IARS1: variants seen among roughly 807,000 people sequenced by gnomAD.
IARS1 encodes isoleucine--tRNA ligase, cytoplasmic.
A neutral mutation model predicts 168.2 loss-of-function variants in IARS1; 124 were observed. The ratio of observed to expected loss-of-function variants is 0.74; its 90% CI spans 0.64 to 0.86. The LOEUF (loss-of-function observed/expected upper bound fraction) is 0.86, where lower values mean the gene tolerates loss of function less well. Among genes scored for constraint, IARS1 ranks in the 40% least tolerant of loss-of-function variants. The pLI is 0.00. For synonymous variants in IARS1, 532 were observed against 529.4 expected (o/e 1.00, Z -0.07); for missense variants, 1,452 against 1,515.8 (o/e 0.96, Z 0.70).
rs1392709670 is a variant in IARS1, at chr9:92,263,132, T to C, written c.1701-77A>G. The C allele has an allele frequency of 3.0e-6, 3 of 995,186 alleles. No individual in the cohort carries two copies. The Admixed American group carries it at 6.5e-5, about 22-fold the overall frequency. 61.6% of individuals were successfully genotyped at this position (995,186 alleles called of 1,614,324 possible). The stretch of plus-strand genomic sequence containing the variant: ...TAAGAAAGAAACTGTATTTATTCAT[T>C]GAATTTCTATTTTTGATAAGTCACA... On this transcript the variant is annotated intron_variant, in intron 16 of 33. Coordinates refer to ENST00000443024, the MANE Select transcript of IARS1 (RefSeq NM_002161.6).
At chr9:92,263,134 A>C in intron 16 of IARS1, 79 bp from the exon 17 acceptor site, 1 of 996,728 alleles carries the variant, frequency 1.0e-6, no homozygotes, top group East Asian at 2.5e-5. Context: ...TTATTCATTG[A>C]ATTTCTATTT....
intron 33 of IARS1, among the ~76,000 whole-genome samples, chr9:92,221,596 T>G (rs1417471870): frequency 6.6e-6 from 1 of 152,132 alleles, no homozygotes; most frequent in Non-Finnish European, 1.5e-5. Context: ...ACAGAGAAGT[T>G]GACAGAGCAG....
intron 22 of IARS1, 104 bp from the exon 23 acceptor site, chr9:92,250,938 T>G: frequency 7.8e-7 from 1 of 1,275,704 alleles, no homozygotes; most frequent in Non-Finnish European, 1.1e-6. Context: ...GACACAGTAA[T>G]AGGCACCAAA....
intron 26 of IARS1, 21 bp downstream of exon 26, chr9:92,247,356 C>T: frequency 6.2e-7 from 1 of 1,604,648 alleles, no homozygotes; most frequent in Non-Finnish European, 8.5e-7. Context: ...AAATGGTGCC[C>T]TTGTCTGTGT....
chr9:92,255,503 T>G lies in IARS1; in HGVS notation c.2137+1177A>C, dbSNP rs1830592228. On this transcript the variant is annotated intron_variant, in intron 20 of 33. Coordinates refer to ENST00000443024, the MANE Select transcript of IARS1 (RefSeq NM_002161.6). ...AAGGAAGCCAACATAATGTACTTTT[T>G]GAATCTCTGTAAAATTACCCAACGA... Among the ~76,000 whole-genome samples, 3 of 152,232 alleles carry G rather than the reference T, an allele frequency of 2.0e-5. No homozygotes were observed. The South Asian group carries it at 6.2e-4, about 32-fold the overall frequency.
chr9:92,212,266 A>C (rs75911019), intron 33 of IARS1, among the ~76,000 whole-genome samples: 1 of 152,202 alleles, frequency 6.6e-6, no homozygotes, highest in Admixed American at 6.5e-5. Flanking sequence ...ATACTTTATG[A>C]AAGACAATTC....
intron 18 of IARS1, among the ~76,000 whole-genome samples, chr9:92,259,918 C>A (rs1033626285): frequency 1.3e-5 from 2 of 152,142 alleles, no homozygotes; most frequent in African/African-American, 2.4e-5. Context: ...CAACAACACC[C>A]AACACAGGTC....
intron 33 of IARS1, among the ~76,000 whole-genome samples, chr9:92,216,026 G>A (rs1838619197): frequency 6.6e-6 from 1 of 151,272 alleles, no homozygotes; most frequent in Middle Eastern, 3.4e-3. Context: ...CAGAGAGAAA[G>A]GTCGGGTTAC....
In IARS1 at chr9:92,250,260, C is replaced by T. The variant is rs1402795658; in HGVS notation, c.2459G>A (p.Ser820Asn). The change falls in exon 24 of 34, where the codon AGT becomes AAT. Residue 820 changes from serine (S) to asparagine (N), a missense_variant. Physicochemically the swap from Ser to Asn is conservative, Grantham distance 46. Coordinates refer to ENST00000443024, the MANE Select transcript of IARS1 (RefSeq NM_002161.6). ...REELIDKKTE[S>N]AVSQMQSVIE... ...CACAGACTGCATCTGAGATACTGCACTCTCTGTTTTCTTGTCAATCAATTC... is the reference window on the plus strand; with the variant it reads ...CACAGACTGCATCTGAGATACTGCATTCTCTGTTTTCTTGTCAATCAATTC... The T allele has an allele frequency of 6.2e-7, 1 of 1,610,388 alleles. No individual in the cohort carries two copies. The highest frequency in any genetic ancestry group is 2.2e-5 in the East Asian group (1 of 44,870).
At chr9:92,223,678 A>G (rs1013311578) in intron 31 of IARS1, among the ~76,000 whole-genome samples, 189 bp from the exon 32 acceptor site, 2 of 152,192 alleles carry the variant, frequency 1.3e-5, no homozygotes, top group African/African-American at 2.4e-5. Context: ...GGAAATCTCA[A>G]TGTTGCAAAA....
At chr9:92,243,917 C>T (rs1358626262) in intron 27 of IARS1, among the ~76,000 whole-genome samples, 4 of 152,162 alleles carry the variant, frequency 2.6e-5, no homozygotes, top group South Asian at 2.1e-4. Context: ...ATGACACTAT[C>T]GCTTCTGTTA....
At chr9:92,261,705 T>C (rs1831551925) in intron 17 of IARS1, among the ~76,000 whole-genome samples, 1 of 152,146 alleles carries the variant, frequency 6.6e-6, no homozygotes, top group African/African-American at 2.4e-5. Context: ...GGGATCTCTA[T>C]TATTTTTCAC....
chr9:92,219,655 A>C (rs1587696131), intron 33 of IARS1, among the ~76,000 whole-genome samples: 1 of 151,328 alleles, frequency 6.6e-6, no homozygotes, highest in Non-Finnish European at 1.5e-5. Context: ...CAGCCAAAAA[A>C]CACATGAAAA....
At chr9:92,226,396 G>A (rs1825686725) in intron 31 of IARS1, among the ~76,000 whole-genome samples, 1 of 152,188 alleles carries the variant, frequency 6.6e-6, no homozygotes, top group Admixed American at 6.5e-5. Flanking sequence ...TATCTTGCAA[G>A]TTCCTGATTA....
intron 30 of IARS1, among the ~76,000 whole-genome samples, chr9:92,233,443 T>C (rs1376486541): frequency 6.6e-6 from 1 of 152,236 alleles, no homozygotes. Context: ...AAGTGTTTCA[T>C]CTTTGAGGAG....
chr9:92,218,968 A>G (rs1839231564), intron 33 of IARS1, among the ~76,000 whole-genome samples: 1 of 152,188 alleles, frequency 6.6e-6, no homozygotes, highest in African/African-American at 2.4e-5. Flanking sequence ...CGCCAAGTCA[A>G]TCCTAAGCCA....
Position 92,287,823 on chromosome 9 carries a change from C to T in IARS1, c.364G>A (p.Ala122Thr). Residue 122 changes from alanine to threonine, a missense_variant, in exon 4 of 34, where the codon GCA (alanine) becomes ACA (threonine). By Grantham distance (58) the Ala-to-Thr change is moderately conservative (BLOSUM62 0). Coordinates refer to ENST00000443024, the MANE Select transcript of IARS1 (RefSeq NM_002161.6). ...TCAGCAGAATATCTCATCACAATTG[C>T]TCGGCACTGATTGTTATACTCTGTA... ...GITEYNNQCR[A>T]IVMRYSAEWK... 1 of 1,613,836 alleles carries T rather than the reference C, an allele frequency of 6.2e-7. No homozygotes were observed. Among genetic ancestry groups the T allele is most frequent in the Non-Finnish European group, 8.5e-7 (1 of 1,179,858 alleles).
chr9:92,224,465 G>GAA (rs1825320869), intron 31 of IARS1, among the ~76,000 whole-genome samples: 2 of 152,224 alleles, frequency 1.3e-5, no homozygotes, highest in African/African-American at 4.8e-5. Context: ...AACAGAATTA[G>GAA]AAAACTGGTG....
At chr9:92,284,029 T>G in intron 6 of IARS1, among the ~76,000 whole-genome samples, 1 of 152,026 alleles carries the variant, frequency 6.6e-6, no homozygotes, top group African/African-American at 2.4e-5. Context: ...AACACATAAA[T>G]TAGCCAGGTA....
Sources: gnomAD v4.1 joint callset for allele counts (sites outside exome capture counted in the v4.1 genomes callset) on GRCh38, gnomAD v4.1.1 for gene constraint, MANE v1.5 for transcripts, NCBI Gene and HGNC (gene_info 2026-07-23, HGNC 2026-07-21) for gene names.